Variants in CENPP observed in about 807,000 individuals in gnomAD.
CENPP encodes the protein centromere protein P.
In CENPP, 24 loss-of-function variants were observed where a neutral mutation model predicts 35.6. The ratio of observed to expected loss-of-function variants is 0.67; its 90% CI spans 0.49 to 0.95. The LOEUF is 0.95. Ranked by LOEUF, CENPP falls within the 40% of genes least tolerant of loss-of-function variation. The pLI, the probability that CENPP is intolerant of heterozygous loss-of-function variation, is 0.00. For synonymous variants in CENPP, 120 were observed against 125.5 expected (o/e 0.96, Z 0.29); for missense variants, 332 against 345.3 (o/e 0.96, Z 0.31).
chr9:92,361,199 G>A (rs891164205), intron 4 of CENPP, among the ~76,000 whole-genome samples: 3 of 151,480 alleles, frequency 2.0e-5, no homozygotes, highest in African/African-American at 7.3e-5. Flanking sequence ...GGAGTGCAGT[G>A]GCAAGATCTT....
At chr9:92,402,021 C>G (rs1425888029) in intron 5 of CENPP, among the ~76,000 whole-genome samples, 1 of 152,000 alleles carries the variant, frequency 6.6e-6, no homozygotes, top group Non-Finnish European at 1.5e-5. Context: ...CTACTCCACT[C>G]CACAAATATC....
At chr9:92,489,229 T>C (rs1248299903) in intron 5 of CENPP, among the ~76,000 whole-genome samples, 1 of 152,200 alleles carries the variant, frequency 6.6e-6, no homozygotes, top group Non-Finnish European at 1.5e-5. Flanking sequence ...GATTACACAG[T>C]TTACAGTAGA....
rs114207478 is a variant in CENPP, at chr9:92,551,251, G to T, written c.565-60063G>T. Among the ~76,000 whole-genome samples, 552 of 152,204 alleles carry T rather than the reference G, an allele frequency of 3.6e-3. 6 individuals are homozygous for T. Among genetic ancestry groups the T allele is most frequent in the African/African-American group, 0.013 (525 of 41,524 alleles). The stretch of plus-strand genomic sequence containing the variant: ...CCACAGTTTCAGGCAAGAAAATTTG[G>T]GTGAGAAATATATAGTACTGTTATA... On this transcript the variant is annotated intron_variant, in intron 5 of 7. Transcript: ENST00000375587.
intron 5 of CENPP, among the ~76,000 whole-genome samples, chr9:92,539,981 A>G (rs1185219649): frequency 1.3e-5 from 2 of 152,218 alleles, no homozygotes; most frequent in Non-Finnish European, 2.9e-5. Context: ...CCAGAAATAT[A>G]TAAAATGCCC....
intron 5 of CENPP, among the ~76,000 whole-genome samples, chr9:92,488,827 G>GA (rs1402827732): frequency 6.6e-6 from 1 of 152,030 alleles, no homozygotes; most frequent in African/African-American, 2.4e-5. Flanking sequence ...TTAATAACAT[G>GA]ATGTATTCCT....
At chr9:92,396,409 G>C (rs1025234355) in intron 5 of CENPP, among the ~76,000 whole-genome samples, 2 of 151,482 alleles carry the variant, frequency 1.3e-5, no homozygotes, top group African/African-American at 2.4e-5. Flanking sequence ...ATTTTGATTG[G>C]GATTGTGTTG....
At chr9:92,466,766 TAATA>T (rs1564336883) in intron 5 of CENPP, among the ~76,000 whole-genome samples, 1 of 152,220 alleles carries the variant, frequency 6.6e-6, no homozygotes, top group African/African-American at 2.4e-5. Context: ...TGCAGAGCTA[TAATA>T]ATTAATGTTG....
rs550330584 is a variant in CENPP at position 92,513,879 on chromosome 9, T to C, written c.565-97435T>C. Among the ~76,000 whole-genome samples the C allele has an allele frequency of 4.6e-5, 7 of 152,304 alleles. No individual in the cohort carries two copies. The East Asian group carries it at 7.7e-4, about 17-fold the overall frequency. On this transcript the variant is annotated intron_variant, in intron 5 of 7. Transcript: ENST00000375587. ...GTGCATTTGTCAAAACTCAGAACTA[T>C]ATACTAAAAATAAGTTTTACTACAT...
chr9:92,533,269 C>A lies in CENPP; in HGVS notation c.565-78045C>A, dbSNP rs189217793. On this transcript the variant is annotated intron_variant, in intron 5 of 7. Transcript: ENST00000375587. ...GAGCCGAGATCACACCACTGCACCC[C>A]AGCCTGGGCGATAGAGTGAGACTCG... Among the ~76,000 whole-genome samples, 596 of 133,828 alleles carry A rather than the reference C, an allele frequency of 4.5e-3. 6 individuals are homozygous for A. Among genetic ancestry groups the A allele is most frequent in the African/African-American group, 0.016 (578 of 35,724 alleles). 87.8% of individuals were successfully genotyped at this position (133,828 alleles called of 152,430 possible).
intron 4 of CENPP, among the ~76,000 whole-genome samples, chr9:92,366,177 CAAAAAAAAA>C (rs79052877): frequency 1.9e-5 from 1 of 52,070 alleles, no homozygotes; most frequent in Non-Finnish European, 4.1e-5. Flanking sequence ...GACTCCGTCT[CAAAAAAAAA>C]AAAAAAAAAA....
At chr9:92,330,711 C>G (rs1271466027) in intron 1 of CENPP, among the ~76,000 whole-genome samples, 2 of 109,492 alleles carry the variant, frequency 1.8e-5, no homozygotes, top group African/African-American at 7.9e-5. Flanking sequence ...TTTGTTGAGA[C>G]AGAGTCTTAC....
chr9:92,380,291 GC>G (rs1487661824), intron 5 of CENPP, among the ~76,000 whole-genome samples: 1 of 152,176 alleles, frequency 6.6e-6, no homozygotes, highest in Non-Finnish European at 1.5e-5. Context: ...GCGAAGTAAT[GC>G]TTCCTAAAGC....
chr9:92,599,371 G>A (rs1315690832), intron 5 of CENPP, among the ~76,000 whole-genome samples: 2 of 152,126 alleles, frequency 1.3e-5, no homozygotes, highest in Admixed American at 6.5e-5. Context: ...TGTGCCATAC[G>A]GGAGGGATTG....
In CENPP at chr9:92,619,368, T is replaced by C. The variant is rs1474632530; in HGVS notation, c.*6219T>C. 2 of 789,564 alleles carry C rather than the reference T, an allele frequency of 2.5e-6. No individual in the cohort carries two copies. The highest frequency in any genetic ancestry group is 2.7e-5 in the East Asian group (1 of 36,974). The allele number at this position is 789,564 out of a possible 1,614,324, so 48.9% of individuals were successfully genotyped here. Reference sequence around the variant, plus strand: ...GATGTCACATAGGCCAAGGAAGTTATGTCACTCCGCCATGGAGTCTCTAAA... The same window carrying C: ...GATGTCACATAGGCCAAGGAAGTTACGTCACTCCGCCATGGAGTCTCTAAA... On this transcript the variant is annotated 3_prime_UTR_variant, in exon 8 of 8. Transcript: ENST00000375587.
At chr9:92,375,825 T>C (rs1009953761) in intron 4 of CENPP, among the ~76,000 whole-genome samples, 1 of 151,466 alleles carries the variant, frequency 6.6e-6, no homozygotes, top group African/African-American at 2.4e-5. Flanking sequence ...ATTCCCCTAG[T>C]CATTCAACAG....
chr9:92,494,742 A>G (rs1194904168), intron 5 of CENPP, among the ~76,000 whole-genome samples: 1 of 152,108 alleles, frequency 6.6e-6, no homozygotes, highest in East Asian at 1.9e-4. Context: ...CCCCATCTCT[A>G]TTAAAAATAC....
chr9:92,437,377 G>T (rs1844271909), intron 5 of CENPP, among the ~76,000 whole-genome samples: 2 of 149,628 alleles, frequency 1.3e-5, no homozygotes, highest in African/African-American at 4.9e-5. Flanking sequence ...TTCTTCTAGT[G>T]TATGATTAGT....
chr9:92,519,416 T>C (rs1471045328), intron 5 of CENPP, among the ~76,000 whole-genome samples: 4 of 152,122 alleles, frequency 2.6e-5, no homozygotes, highest in Admixed American at 1.3e-4. Flanking sequence ...TTCAAAAAGC[T>C]CACTATAAAG....
At chr9:92,526,817 C>T (rs1848443499) in intron 5 of CENPP, among the ~76,000 whole-genome samples, 2 of 151,842 alleles carry the variant, frequency 1.3e-5, no homozygotes, top group Admixed American at 6.6e-5. Context: ...TCTTAGTGTA[C>T]AGTGTTTATA....
Sources: gnomAD v4.1 joint callset for allele counts (sites outside exome capture counted in the v4.1 genomes callset) on GRCh38, gnomAD v4.1.1 for gene constraint, MANE v1.5 for transcripts, NCBI Gene and HGNC (gene_info 2026-07-23, HGNC 2026-07-21) for gene names.